SNRPF: variants seen among roughly 807,000 people sequenced by gnomAD.
SNRPF encodes the protein small nuclear ribonucleoprotein F.
In SNRPF, 1 loss-of-function variant was observed where a neutral mutation model predicts 13.4. That is an observed-to-expected ratio of 0.07 (90% CI 0.03 to 0.35). The LOEUF (loss-of-function observed/expected upper bound fraction) is 0.35. Ranked by LOEUF, SNRPF falls within the 10% of genes least tolerant of loss-of-function variation. The pLI, the probability that SNRPF is intolerant of heterozygous loss-of-function variation, is 0.99. For synonymous variants in SNRPF, 27 were observed against 32.1 expected, an observed-to-expected ratio of 0.84 and a Z score of 0.54; for missense variants, 53 against 101.0, an observed-to-expected ratio of 0.52 and a Z score of 2.04.
chr12:95,863,727 T>G (rs2079507879), intron 2 of SNRPF, among the ~76,000 whole-genome samples: 1 of 152,074 alleles, frequency 6.6e-6, no homozygotes, highest in South Asian at 2.1e-4. Flanking sequence ...TTATATAGAG[T>G]AGCCTCTCTG....
intron 3 of SNRPF, 151 bp from the exon 4 acceptor site, chr12:95,865,854 C>CT: frequency 4.2e-5 from 15 of 355,994 alleles, no homozygotes; most frequent in East Asian, 9.6e-5. Context: ...CTATGTGAAA[C>CT]TTTTTTTTAA....
At position 95,865,487 on chromosome 12, in the gene SNRPF, T is replaced by A. The variant is rs568411834; in HGVS notation, c.194+99T>A. ...CCTCAATTTTGGAATTACTTTTTTT[T>A]AAAAAATCACTATTATAATACTTTA... On this transcript the variant is annotated intron_variant, in intron 3 of 3. Coordinates refer to ENST00000266735, the MANE Select transcript of SNRPF (RefSeq NM_003095.5). 1.8e-3 allele frequency: 1,059 copies of A among 579,526 alleles called. 3 individuals are homozygous for A. The highest frequency in any genetic ancestry group is 2.5e-3 in the Non-Finnish European group (798 of 320,674). The allele number at this position is 579,526 out of a possible 1,614,324, so 35.9% of individuals were successfully genotyped here.
At chr12:95,859,238 G>T (rs2079482056) in intron 1 of SNRPF, among the ~76,000 whole-genome samples, 162 bp downstream of exon 1, 1 of 152,078 alleles carries the variant, frequency 6.6e-6, no homozygotes, top group Non-Finnish European at 1.5e-5. Context: ...TTTCTGAGGC[G>T]CGTGCTCCTC....
chr12:95,861,284 G>A lies in SNRPF; in HGVS notation c.120G>A (p.Met40Ile). Reference sequence around the variant, plus strand: ...ATCTGGTATCTGTAGATGGCTACATGAACATGCAGGTAAGCTAAAGAGCTG... The same window carrying A: ...ATCTGGTATCTGTAGATGGCTACATAAACATGCAGGTAAGCTAAAGAGCTG... ...KGYLVSVDGY[M>I]NMQLANTEEY... Residue 40 changes from methionine (M) to isoleucine (I), a missense_variant, in exon 2 of 4, where the codon ATG (methionine) becomes ATA (isoleucine). Transcript: ENST00000266735. The A allele has an allele frequency of 1.2e-6, 2 of 1,610,768 alleles. No individual in the cohort carries two copies. Among genetic ancestry groups the A allele is most frequent in the Non-Finnish European group, 1.7e-6 (2 of 1,178,146 alleles).
At chr12:95,865,495 C>T (rs2079516994) in intron 3 of SNRPF, 107 bp downstream of exon 3, 2 of 555,968 alleles carry the variant, frequency 3.6e-6, no homozygotes, top group Non-Finnish European at 6.5e-6. Flanking sequence ...TTTAAAAAAT[C>T]ACTATTATAA....
intron 2 of SNRPF, among the ~76,000 whole-genome samples, chr12:95,862,368 G>A (rs569803566): frequency 1.2e-3 from 185 of 152,148 alleles, no homozygotes; most frequent in Non-Finnish European, 2.0e-3. Flanking sequence ...TCAGCTCTTT[G>A]GGGTATATAC....
At chr12:95,860,568 A>G (rs1400991608) in intron 1 of SNRPF, among the ~76,000 whole-genome samples, 2 of 151,952 alleles carry the variant, frequency 1.3e-5, no homozygotes, top group Non-Finnish European at 2.9e-5. Flanking sequence ...TTATTTATTT[A>G]TTTATAAGAG....
chr12:95,864,587 CT>C (rs1284843875), intron 2 of SNRPF, among the ~76,000 whole-genome samples: 1 of 152,156 alleles, frequency 6.6e-6, no homozygotes, highest in Non-Finnish European at 1.5e-5. Context: ...TTGTTTTTCC[CT>C]GTTTATTAGT....
At chr12:95,860,851 G>GCT (rs2079492324) in intron 1 of SNRPF, among the ~76,000 whole-genome samples, 1 of 48,772 alleles carries the variant, frequency 2.1e-5, no homozygotes, top group African/African-American at 9.8e-5. Context: ...TACCTGGCCC[G>GCT]CTTTTTTTTT....
Position 95,866,014 on chromosome 12 carries a change from T to C in SNRPF, c.204T>C (p.Asn68=), listed in dbSNP as rs781536604. The stretch of plus-strand genomic sequence containing the variant: ...CTTTTTCTATTTACAGGTGTAATAA[T>C]GTCCTTTATATCAGAGGTGTGGAAG... ...HLGEVLIRCN[N]VLYIRGVEEE... The change falls in exon 4 of 4, where the codon AAT becomes AAC. Residue 68 remains asparagine, a synonymous_variant. Transcript: ENST00000266735. The C allele has an allele frequency of 5.4e-5, 82 of 1,517,440 alleles. No individual in the cohort carries two copies. Among genetic ancestry groups the C allele is most frequent in the Middle Eastern group, 4.7e-4 (2 of 4,300 alleles). 94.0% of individuals were successfully genotyped at this position (1,517,440 alleles called of 1,614,324 possible).
Position 95,861,118 on chromosome 12 carries a change from G to T in SNRPF, c.4-50G>T, listed in dbSNP as rs749778994. 11 of 1,554,384 alleles carry T rather than the reference G, an allele frequency of 7.1e-6. No individual in the cohort carries two copies. In the East Asian group the frequency reaches 2.6e-4, roughly 36 times the overall value. ...TTGGTGATTCGGTAGAAGAGAGTTG[G>T]TGGTGGGAGGAAAAATAATTAATTA... On this transcript the variant is annotated intron_variant, in intron 1 of 3. Coordinates refer to ENST00000266735, the MANE Select transcript of SNRPF (RefSeq NM_003095.5).
chr12:95,865,384 A>T lies in SNRPF; in HGVS notation c.190A>T (p.Ile64Leu). Residue 64 changes from isoleucine (I) to leucine (L), a missense_variant, in exon 3 of 4, where the codon ATA (isoleucine) becomes TTA (leucine). Ile to Leu is a conservative substitution (Grantham distance 5). Transcript: ENST00000266735. Reference sequence around the variant, plus strand: ...GTCTGGACATCTGGGTGAAGTTTTAATAAGGTAACAAACAGCAGTAGTATA... The same window carrying T: ...GTCTGGACATCTGGGTGAAGTTTTATTAAGGTAACAAACAGCAGTAGTATA... The part of the protein sequence containing the change: ...ALSGHLGEVL[I>L]RCNNVLYIRG... The T allele has an allele frequency of 6.6e-7, 1 of 1,511,462 alleles. No individual in the cohort carries two copies. Among genetic ancestry groups the T allele is most frequent in the Non-Finnish European group, 9.2e-7 (1 of 1,087,788 alleles). The allele number at this position is 1,511,462 out of a possible 1,614,324, so 93.6% of individuals were successfully genotyped here. A position where few individuals can be genotyped will look rare whatever the true frequency, so the allele number is the denominator to read the frequency against.
At chr12:95,860,674 C>T (rs1032102023) in intron 1 of SNRPF, among the ~76,000 whole-genome samples, 21 of 152,180 alleles carry the variant, frequency 1.4e-4, no homozygotes, top group African/African-American at 4.8e-4. Flanking sequence ...CCTCCCACCT[C>T]ATCCTCCCTA....
At chr12:95,862,953 A>T (rs2079503046) in intron 2 of SNRPF, among the ~76,000 whole-genome samples, 1 of 151,972 alleles carries the variant, frequency 6.6e-6, no homozygotes, top group African/African-American at 2.4e-5. Context: ...TTATCTTTGG[A>T]GAAATGCCTG....
Position 95,866,137 on chromosome 12 carries a change from T to A in SNRPF, c.*66T>A. ...AATAAAGATTTGTTTGTTTTTCAAC[T>A]TGACTTGTGAACTATTTGTATTCAG... On this transcript the variant is annotated 3_prime_UTR_variant, in exon 4 of 4. Coordinates refer to ENST00000266735, the MANE Select transcript of SNRPF (RefSeq NM_003095.5). The A allele has an allele frequency of 3.7e-6, 3 of 817,000 alleles. No homozygotes were observed. In the Admixed American group the frequency reaches 7.1e-5, roughly 19 times the overall value. 50.6% of individuals were successfully genotyped at this position (817,000 alleles called of 1,614,324 possible).
At chr12:95,860,875 T>G (rs12813730) in intron 1 of SNRPF, among the ~76,000 whole-genome samples, 1 of 137,520 alleles carries the variant, frequency 7.3e-6, no homozygotes, top group Non-Finnish European at 1.6e-5. Context: ...TTTTTTTTAG[T>G]GCCTTTATCT....
chr12:95,859,071 A>G lies in SNRPF; in HGVS notation c.-3A>G. On this transcript the variant is annotated 5_prime_UTR_variant, in exon 1 of 4. Transcript: ENST00000266735. Reference sequence around the variant, plus strand: ...TAGCCTGCAACATTCGGCCGTGGTTACGATGGTAAGGAGAAAGAGAACGGC... The same window carrying G: ...TAGCCTGCAACATTCGGCCGTGGTTGCGATGGTAAGGAGAAAGAGAACGGC... 1 of 1,613,220 alleles carries G rather than the reference A, an allele frequency of 6.2e-7. No individual in the cohort carries two copies.
intron 2 of SNRPF, among the ~76,000 whole-genome samples, chr12:95,863,893 G>T (rs1483217262): frequency 6.6e-6 from 1 of 152,196 alleles, no homozygotes; most frequent in African/African-American, 2.4e-5. Flanking sequence ...AGAGCAGATT[G>T]AGTTAAGGGA....
At chr12:95,859,221 T>C in intron 1 of SNRPF, 145 bp downstream of exon 1, 1 of 655,774 alleles carries the variant, frequency 1.5e-6, no homozygotes, top group Non-Finnish European at 2.6e-6. Context: ...TTCACTCTGC[T>C]TTTAGGTTTC....
Sources: gnomAD v4.1 joint callset for allele counts (sites outside exome capture counted in the v4.1 genomes callset) on GRCh38, gnomAD v4.1.1 for gene constraint, MANE v1.5 for transcripts, NCBI Gene and HGNC (gene_info 2026-07-23, HGNC 2026-07-21) for gene names.